Variants in AXDND1 observed in about 807,000 individuals in gnomAD.
The protein encoded by AXDND1 is axonemal dynein light chain domain-containing protein 1.
A neutral mutation model predicts 137.5 loss-of-function variants in AXDND1; 110 were observed. That is an observed-to-expected ratio of 0.80 (90% CI 0.69 to 0.94). The LOEUF (loss-of-function observed/expected upper bound fraction) is 0.94, where lower values mean the gene tolerates loss of function less well. Among genes scored for constraint, AXDND1 ranks in the 40% least tolerant of loss-of-function variants. The pLI is 0.00. For synonymous variants in AXDND1, 414 were observed against 399.7 expected (o/e 1.04, Z -0.43); for missense variants, 1,191 against 1,169.8 (o/e 1.02, Z -0.26).
chr1:179,512,188 A>G (rs1402250719), intron 21 of AXDND1, among the ~76,000 whole-genome samples: 1 of 152,174 alleles, frequency 6.6e-6, no homozygotes, highest in Non-Finnish European at 1.5e-5. Context: ...GAATTTTTAT[A>G]GTTTCAGGTC....
chr1:179,379,481 G>A lies in AXDND1; in HGVS notation c.580G>A (p.Asp194Asn). Reference sequence around the variant, plus strand: ...AGTTTCAGGTTTGGAGTGTTATGATGAGTGAGTACTATGATATGTAAAAAA... The same window carrying A: ...AGTTTCAGGTTTGGAGTGTTATGATAAGTGAGTACTATGATATGTAAAAAA... ...TGVSGLECYD[D>N]KYTTLLTDSE... The change falls in exon 6 of 26, where the codon GAC (aspartate) becomes AAC (asparagine). Residue 194 changes from aspartate (D) to asparagine (N), a missense_variant and splice_region_variant. Asp to Asn is a conservative substitution (Grantham distance 23, BLOSUM62 1). Transcript: ENST00000367618. The A allele has an allele frequency of 6.2e-7, 1 of 1,612,614 alleles. No homozygotes were observed. Among genetic ancestry groups the A allele is most frequent in the Non-Finnish European group, 8.5e-7 (1 of 1,179,442 alleles).
chr1:179,482,097 AATTTTTTTTT>A (rs1182022203), intron 17 of AXDND1, among the ~76,000 whole-genome samples: 1 of 70,538 alleles, frequency 1.4e-5, no homozygotes, highest in Non-Finnish European at 2.7e-5. Flanking sequence ...GGAGCTTTTT[AATTTTTTTTT>A]TTTTTTTTTT....
At chr1:179,511,392 G>GT (rs1669042174) in intron 21 of AXDND1, among the ~76,000 whole-genome samples, 3 of 91,928 alleles carry the variant, frequency 3.3e-5, no homozygotes, top group East Asian at 3.1e-4. Flanking sequence ...ATGGTATATG[G>GT]GGTGTGTGTG....
chr1:179,430,552 GC>G lies in AXDND1; in HGVS notation c.1434del (p.Ser478ArgfsTer4). The G allele has an allele frequency of 6.2e-7, 1 of 1,613,882 alleles. No individual in the cohort carries two copies. The highest frequency in any genetic ancestry group is 8.5e-7 in the Non-Finnish European group (1 of 1,179,932). On this transcript the variant is annotated frameshift_variant, in exon 14 of 26. Transcript: ENST00000367618. LOFTEE classifies it high-confidence loss of function. Reference sequence around the variant, plus strand: ...GTAGAACAAATGGAAGAGTCTACAAGCGAGACACTGAAAATTGTTAAGGATG... The same window carrying G: ...GTAGAACAAATGGAAGAGTCTACAAGGAGACACTGAAAATTGTTAAGGATG... ...QEVEQMEEST[S>X]ETLKIVKDGL...
chr1:179,551,961 A>T (rs184323839), intron 25 of AXDND1: 1 of 172,036 alleles, frequency 5.8e-6, no homozygotes. Flanking sequence ...GCCTCCCCTC[A>T]GTGATCCACA....
intron 14 of AXDND1, among the ~76,000 whole-genome samples, chr1:179,432,040 T>C (rs892280838): frequency 1.1e-4 from 16 of 152,232 alleles, no homozygotes; most frequent in Admixed American, 9.2e-4. Context: ...AAAATACTCT[T>C]GTGGCCCATG....
chr1:179,385,086 T>G, intron 8 of AXDND1, 152 bp from the exon 9 acceptor site: 1 of 726,840 alleles, frequency 1.4e-6, no homozygotes, highest in Non-Finnish European at 2.2e-6. Context: ...AAAAATCAAA[T>G]ATCACTTTTG....
chr1:179,473,463 A>G (rs1218327865), intron 17 of AXDND1, among the ~76,000 whole-genome samples: 1 of 152,008 alleles, frequency 6.6e-6, no homozygotes, highest in Non-Finnish European at 1.5e-5. Flanking sequence ...GCGCCATTGC[A>G]CTCCAGCCTG....
At chr1:179,366,378 T>TC (rs1184801083) in intron 1 of AXDND1, 26 bp from the exon 2 acceptor site, 10 of 624,260 alleles carry the variant, frequency 1.6e-5, no homozygotes, top group Non-Finnish European at 2.7e-5. Flanking sequence ...TTTTTTTTTT[T>TC]TAAATCTTTT....
rs148895483 is a variant in AXDND1, at chr1:179,504,282, G to A, written c.2389-5014G>A. Reference sequence around the variant, plus strand: ...GAACCCACACTATACATCTAGAAATGTGTTCAAGCCTTCTCAGGCCTGCTG... The same window carrying A: ...GAACCCACACTATACATCTAGAAATATGTTCAAGCCTTCTCAGGCCTGCTG... On this transcript the variant is annotated intron_variant, in intron 20 of 25. Coordinates refer to ENST00000367618, the MANE Select transcript of AXDND1 (RefSeq NM_144696.6). Among the ~76,000 whole-genome samples, 48 of 152,286 alleles carry A rather than the reference G, an allele frequency of 3.2e-4. 3 individuals are homozygous for A. The East Asian group carries it at 5.8e-3, about 18-fold the overall frequency.
At chr1:179,412,946 A>T (rs984333511) in intron 12 of AXDND1, among the ~76,000 whole-genome samples, 1 of 152,120 alleles carries the variant, frequency 6.6e-6, no homozygotes, top group Non-Finnish European at 1.5e-5. Flanking sequence ...GGGTTGTGGA[A>T]GTTCCCTTAA....
At chr1:179,384,483 A>G (rs564815763) in intron 8 of AXDND1, among the ~76,000 whole-genome samples, 29 of 152,318 alleles carry the variant, frequency 1.9e-4, no homozygotes, top group African/African-American at 6.3e-4. Flanking sequence ...GCTTTTAAAA[A>G]TAGCTATTTT....
intron 25 of AXDND1, among the ~76,000 whole-genome samples, chr1:179,535,605 T>G (rs1473478966): frequency 1.3e-5 from 2 of 152,266 alleles, no homozygotes; most frequent in African/African-American, 4.8e-5. Context: ...TGCCACATTT[T>G]CTTTATCCAG....
At chr1:179,494,410 A>G (rs1456050410) in intron 20 of AXDND1, among the ~76,000 whole-genome samples, 2 of 152,114 alleles carry the variant, frequency 1.3e-5, no homozygotes, top group Non-Finnish European at 2.9e-5. Flanking sequence ...GTCTGTTCAA[A>G]TCTTTGACCC....
At position 179,384,349 on chromosome 1, in the gene AXDND1, C is replaced by T. The variant is rs1399460893; in HGVS notation, c.741+805C>T. 3.3e-5 allele frequency among the ~76,000 whole-genome samples: 5 copies of T among 152,092 alleles called. No individual in the cohort carries two copies. The East Asian group carries it at 9.6e-4, about 29-fold the overall frequency. ...ATACCCAGATATTCAGGATATATTTCCTACAAACAAGGACATTCTCTTATA... is the reference window on the plus strand; with the variant it reads ...ATACCCAGATATTCAGGATATATTTTCTACAAACAAGGACATTCTCTTATA... On this transcript the variant is annotated intron_variant, in intron 8 of 25. Coordinates refer to ENST00000367618, the MANE Select transcript of AXDND1 (RefSeq NM_144696.6).
intron 17 of AXDND1, among the ~76,000 whole-genome samples, chr1:179,469,183 GC>G (rs139063111): frequency 0.024 from 3,688 of 152,184 alleles, 161 homozygotes; most frequent in African/African-American, 0.084. Context: ...GCCCACCTTG[GC>G]CTTCCAAAGT....
intron 12 of AXDND1, among the ~76,000 whole-genome samples, chr1:179,418,387 T>C (rs958290683): frequency 1.3e-5 from 2 of 152,368 alleles, no homozygotes; most frequent in South Asian, 2.1e-4. Context: ...CCATGTCTAC[T>C]TCTTTCTACA....
intron 18 of AXDND1, among the ~76,000 whole-genome samples, chr1:179,484,584 A>T (rs1665808214): frequency 6.6e-6 from 1 of 152,146 alleles, no homozygotes; most frequent in Non-Finnish European, 1.5e-5. Flanking sequence ...GGAGAGCTCC[A>T]GCAGAGCACC....
intron 25 of AXDND1, among the ~76,000 whole-genome samples, chr1:179,540,223 T>C (rs1367825863): frequency 6.6e-6 from 1 of 152,078 alleles, no homozygotes; most frequent in Admixed American, 6.6e-5. Flanking sequence ...CTCCATCCAG[T>C]TTTGTTCCCT....
Sources: gnomAD v4.1 joint callset for allele counts (sites outside exome capture counted in the v4.1 genomes callset) on GRCh38, gnomAD v4.1.1 for gene constraint, MANE v1.5 for transcripts, NCBI Gene and HGNC (gene_info 2026-07-23, HGNC 2026-07-21) for gene names.